The following LMBRD1 variants were observed in gnomAD, a reference collection of about 807,000 sequenced individuals.
LMBRD1 encodes lysosomal cobalamin transport escort protein LMBD1.
LMBRD1 carries 64 observed loss-of-function variants against 74.8 expected under a neutral mutation model. The observed-to-expected ratio is 0.86, with a 90% CI of 0.70 to 1.05. The LOEUF (loss-of-function observed/expected upper bound fraction) is 1.05. Ranked by LOEUF, LMBRD1 falls within the 50% of genes least tolerant of loss-of-function variation. LMBRD1 has a pLI of 0.00. For synonymous variants in LMBRD1, 204 were observed against 216.3 expected (o/e 0.94, Z 0.50); for missense variants, 652 against 645.9 (o/e 1.01, Z -0.10).
intron 2 of LMBRD1, among the ~76,000 whole-genome samples, chr6:69,787,513 G>A (rs1424237262): frequency 6.6e-6 from 1 of 152,178 alleles, no homozygotes; most frequent in Non-Finnish European, 1.5e-5. Context: ...GGGAGGCCAA[G>A]ACGGGTGGAT....
At chr6:69,725,488 T>C (rs1322180542) in intron 7 of LMBRD1, among the ~76,000 whole-genome samples, 1 of 152,054 alleles carries the variant, frequency 6.6e-6, no homozygotes, top group Non-Finnish European at 1.5e-5. Context: ...TAAATTCTAT[T>C]ACAGAGCTAT....
chr6:69,757,099 G>C (rs1466347532), intron 3 of LMBRD1, among the ~76,000 whole-genome samples: 1 of 152,180 alleles, frequency 6.6e-6, no homozygotes, highest in Non-Finnish European at 1.5e-5. Context: ...TAAGCAAACT[G>C]AGTGATATAT....
chr6:69,712,656 T>C (rs528760241), intron 9 of LMBRD1, among the ~76,000 whole-genome samples: 2 of 152,210 alleles, frequency 1.3e-5, no homozygotes, highest in Admixed American at 6.6e-5. Context: ...ACAATTCTTA[T>C]GTGAGACACC....
At chr6:69,680,812 T>C (rs1765644415) in intron 14 of LMBRD1, among the ~76,000 whole-genome samples, 1 of 152,076 alleles carries the variant, frequency 6.6e-6, no homozygotes. Flanking sequence ...ATATTTCCTA[T>C]TCAAGTGACA....
chr6:69,696,996 A>G (rs1415287247), intron 14 of LMBRD1, among the ~76,000 whole-genome samples: 1 of 151,282 alleles, frequency 6.6e-6, no homozygotes, highest in Non-Finnish European at 1.5e-5. Flanking sequence ...ACATTCAAAG[A>G]AAAAAAAATC....
chr6:69,684,907 A>C (rs1180569489), intron 14 of LMBRD1, among the ~76,000 whole-genome samples: 1 of 152,182 alleles, frequency 6.6e-6, no homozygotes, highest in Non-Finnish European at 1.5e-5. Context: ...TGTTACTTTA[A>C]TAATACTATT....
intron 7 of LMBRD1, among the ~76,000 whole-genome samples, chr6:69,732,178 G>T (rs1766873019): frequency 1.3e-5 from 2 of 152,130 alleles, no homozygotes; most frequent in Non-Finnish European, 2.9e-5. Context: ...GTTGTAACAT[G>T]AACTGAATGT....
At chr6:69,713,524 A>AC in intron 9 of LMBRD1, 121 bp downstream of exon 9, 1 of 1,001,774 alleles carries the variant, frequency 1.0e-6, no homozygotes. Context: ...ACCAGATTAA[A>AC]CCCCCAAATC....
chr6:69,728,256 T>C (rs1766778685), intron 7 of LMBRD1, among the ~76,000 whole-genome samples: 1 of 152,038 alleles, frequency 6.6e-6, no homozygotes, highest in South Asian at 2.1e-4. Flanking sequence ...ACGAGGATGG[T>C]GCTAAACCAT....
At chr6:69,779,859 T>C (rs909778947) in intron 3 of LMBRD1, among the ~76,000 whole-genome samples, 2 of 152,236 alleles carry the variant, frequency 1.3e-5, no homozygotes, top group South Asian at 2.1e-4. Context: ...TAAGAAATTA[T>C]TGTAGGCAGA....
intron 3 of LMBRD1, among the ~76,000 whole-genome samples, chr6:69,773,815 T>C: frequency 6.6e-6 from 1 of 152,184 alleles, no homozygotes; most frequent in East Asian, 1.9e-4. Flanking sequence ...ACAACCCCAT[T>C]TTTCATCAAC....
Position 69,723,516 on chromosome 6 carries a change from A to C in LMBRD1, c.637-4435T>G, listed in dbSNP as rs144170023. ...AAAGCTACAAATCAGTAACAAAAGGAATTTAGAGAACTATACAAACACATG... is the reference window on the plus strand; with the variant it reads ...AAAGCTACAAATCAGTAACAAAAGGCATTTAGAGAACTATACAAACACATG... On this transcript the variant is annotated intron_variant, in intron 7 of 15. Transcript: ENST00000649934. Among the ~76,000 whole-genome samples, 19 of 152,266 alleles carry C rather than the reference A, an allele frequency of 1.2e-4. No individual in the cohort carries two copies. The East Asian group carries it at 3.3e-3, about 26-fold the overall frequency.
intron 2 of LMBRD1, among the ~76,000 whole-genome samples, chr6:69,783,666 T>C (rs1185646645): frequency 1.3e-5 from 2 of 152,218 alleles, no homozygotes; most frequent in African/African-American, 2.4e-5. Context: ...ATACCTGGAC[T>C]AAAAGGATTT....
chr6:69,722,462 C>CA (rs1398871500), intron 7 of LMBRD1, among the ~76,000 whole-genome samples: 1,236 of 96,658 alleles, frequency 0.013, 10 homozygotes, highest in African/African-American at 0.022. Context: ...ATGAACCAAT[C>CA]AAAAAAAAAA....
intron 14 of LMBRD1, among the ~76,000 whole-genome samples, chr6:69,695,562 T>TA (rs1562087239): frequency 2.0e-5 from 3 of 152,218 alleles, no homozygotes; most frequent in African/African-American, 4.8e-5. Context: ...CCACATCTTT[T>TA]AAATTATCTC....
chr6:69,788,497 T>C (rs1396581916), intron 2 of LMBRD1, among the ~76,000 whole-genome samples: 1 of 152,160 alleles, frequency 6.6e-6, no homozygotes, highest in Non-Finnish European at 1.5e-5. Context: ...CAAAGCGATA[T>C]ACAGAGCCAA....
intron 7 of LMBRD1, among the ~76,000 whole-genome samples, chr6:69,726,623 G>A (rs963292168): frequency 6.6e-6 from 1 of 152,122 alleles, no homozygotes; most frequent in African/African-American, 2.4e-5. Flanking sequence ...AATAAACTAG[G>A]CACAGAAAGA....
In LMBRD1 at chr6:69,697,578, C is replaced by T. The variant is rs1376962606; in HGVS notation, c.1402G>A (p.Ala468Thr). Residue 468 changes from alanine to threonine, a missense_variant, in exon 14 of 16, where the codon GCA becomes ACA. This residue lies in a region of LMBRD1 where 598 missense variants were observed against 581.8 expected (regional missense o/e 1.03). Coordinates refer to ENST00000649934, the MANE Select transcript of LMBRD1 (RefSeq NM_018368.4). ...CTGTTTTTACCTTCAGGAGCATCTG[C>T]ATCACATCTCTTTGGCACAGAAAGG... The part of the protein sequence containing the change: ...STLSVPKRCD[A>T]DAPEDQCTVT... 3.1e-6 allele frequency: 5 copies of T among 1,604,048 alleles called. No homozygotes were observed. Among genetic ancestry groups the T allele is most frequent in the Non-Finnish European group, 3.4e-6 (4 of 1,171,714 alleles).
chr6:69,785,306 TC>T (rs1765922655), intron 2 of LMBRD1, among the ~76,000 whole-genome samples: 1 of 152,230 alleles, frequency 6.6e-6, no homozygotes, highest in Admixed American at 6.5e-5. Flanking sequence ...CTCTGACTAC[TC>T]AGTCTTCCCA....
Sources: gnomAD v4.1 joint callset for allele counts (sites outside exome capture counted in the v4.1 genomes callset) on GRCh38, gnomAD v4.1.1 for gene constraint, gnomAD v4.1.1 regional missense constraint, MANE v1.5 for transcripts, NCBI Gene and HGNC (gene_info 2026-07-23, HGNC 2026-07-21) for gene names.